Variants in SPOCK3 observed in about 807,000 individuals in gnomAD.
SPOCK3 encodes the protein testican-3.
SPOCK3 carries 30 observed loss-of-function variants against 56.6 expected under a neutral mutation model. That is an observed-to-expected ratio of 0.53 (90% confidence interval 0.40 to 0.72). The LOEUF (loss-of-function observed/expected upper bound fraction) is 0.72. Ranked by LOEUF, SPOCK3 falls within the 30% of genes least tolerant of loss-of-function variation. The pLI, the probability that SPOCK3 is intolerant of heterozygous loss-of-function variation, is 0.00. For missense variants in SPOCK3, 527 were observed against 530.0 expected (o/e 0.99, Z 0.06); for synonymous variants, 196 against 183.3 (o/e 1.07, Z -0.56).
chr4:166,971,338 C>CT (rs1273119954), intron 4 of SPOCK3, among the ~76,000 whole-genome samples: 2 of 151,966 alleles, frequency 1.3e-5, no homozygotes, highest in Non-Finnish European at 2.9e-5. Context: ...AACAGAGGTG[C>CT]TTTTTTTAAA....
chr4:167,202,492 C>G (rs1452740147), intron 2 of SPOCK3, among the ~76,000 whole-genome samples: 3 of 151,878 alleles, frequency 2.0e-5, no homozygotes, highest in Admixed American at 1.3e-4. Context: ...ACTTGCTATA[C>G]CTGGGATTGG....
intron 4 of SPOCK3, among the ~76,000 whole-genome samples, chr4:166,926,582 T>C (rs1271108698): frequency 6.6e-6 from 1 of 152,112 alleles, no homozygotes; most frequent in Non-Finnish European, 1.5e-5. Context: ...GTTTTTGGCT[T>C]CTTTGACAGA....
chr4:166,961,246 A>G (rs1424994827), intron 4 of SPOCK3, among the ~76,000 whole-genome samples: 1 of 126,856 alleles, frequency 7.9e-6, no homozygotes, highest in African/African-American at 4.0e-5. Flanking sequence ...CTTACCCACG[A>G]AATTAAAAAA....
At chr4:167,137,358 C>T (rs1472615273) in intron 2 of SPOCK3, among the ~76,000 whole-genome samples, 1 of 151,770 alleles carries the variant, frequency 6.6e-6, no homozygotes, top group Admixed American at 6.6e-5. Context: ...CTGAGTTAAT[C>T]AAATATCATA....
At chr4:167,131,273 G>A (rs1762675046) in intron 2 of SPOCK3, among the ~76,000 whole-genome samples, 1 of 151,964 alleles carries the variant, frequency 6.6e-6, no homozygotes. Context: ...AAGATAAAAT[G>A]TGCTACACTA....
chr4:167,223,370 T>C (rs1414626504), intron 2 of SPOCK3, among the ~76,000 whole-genome samples: 1 of 146,816 alleles, frequency 6.8e-6, no homozygotes, highest in African/African-American at 2.5e-5. Flanking sequence ...TATATATAAA[T>C]ATATATTTAT....
intron 3 of SPOCK3, among the ~76,000 whole-genome samples, chr4:167,026,031 G>A (rs182678604): frequency 2.0e-5 from 3 of 152,166 alleles, no homozygotes; most frequent in African/African-American, 4.8e-5. Context: ...AGGTGATTAT[G>A]TCACACTGCC....
At chr4:166,840,538 TGGGTTTTCTAGTTTGTCA>T (rs1180815742) in intron 6 of SPOCK3, among the ~76,000 whole-genome samples, 1 of 152,162 alleles carries the variant, frequency 6.6e-6, no homozygotes, top group Admixed American at 6.5e-5. Context: ...TTCTAGTTTT[TGGGTTTTCTAGTTTGTCA>T]GCTCCAAGTC....
At chr4:167,112,525 T>C (rs1422625084) in intron 2 of SPOCK3, among the ~76,000 whole-genome samples, 1 of 152,010 alleles carries the variant, frequency 6.6e-6, no homozygotes. Context: ...AACATAGGGA[T>C]TGAGGGGGCT....
At chr4:166,810,559 C>A (rs1224079652) in intron 6 of SPOCK3, among the ~76,000 whole-genome samples, 1 of 151,934 alleles carries the variant, frequency 6.6e-6, no homozygotes, top group Admixed American at 6.6e-5. Context: ...TAAATAATTT[C>A]AAGCATGTGA....
intron 2 of SPOCK3, among the ~76,000 whole-genome samples, chr4:167,213,932 G>A (rs1447164548): frequency 6.6e-6 from 1 of 152,110 alleles, no homozygotes; most frequent in Non-Finnish European, 1.5e-5. Flanking sequence ...TCACAAGACT[G>A]CTTGATTTAA....
At position 166,864,250 on chromosome 4, in the gene SPOCK3, C is replaced by T. The variant is rs190651606; in HGVS notation, c.589+24880G>A. Among the ~76,000 whole-genome samples, 17 of 152,158 alleles carry T rather than the reference C, an allele frequency of 1.1e-4. No homozygotes were observed. The East Asian group carries it at 2.5e-3, about 23-fold the overall frequency. On this transcript the variant is annotated intron_variant, in intron 6 of 10. Coordinates refer to ENST00000357545, the MANE Select transcript of SPOCK3 (RefSeq NM_001040159.2). ...GAAACCAATGAGAACAAAGAGACAA[C>T]GTACCAGAATCTCTAGGACACAGCT...
At chr4:167,054,057 C>G (rs1379388442) in intron 3 of SPOCK3, among the ~76,000 whole-genome samples, 3 of 152,066 alleles carry the variant, frequency 2.0e-5, no homozygotes, top group African/African-American at 4.8e-5. Flanking sequence ...TTAGGAAAAC[C>G]TAGAAAGCAT....
At chr4:166,738,878 A>G (rs987956478) in intron 9 of SPOCK3, among the ~76,000 whole-genome samples, 15 of 151,980 alleles carry the variant, frequency 9.9e-5, no homozygotes, top group African/African-American at 3.6e-4. Flanking sequence ...ATTGTTGGAC[A>G]TTTGGGTTGG....
chr4:167,191,840 G>A (rs989287705), intron 2 of SPOCK3, among the ~76,000 whole-genome samples: 7 of 145,246 alleles, frequency 4.8e-5, no homozygotes, highest in Non-Finnish European at 9.0e-5. Context: ...GATAAAAGTG[G>A]TGATCCTCTC....
chr4:167,101,311 C>T (rs1035649021), intron 2 of SPOCK3, among the ~76,000 whole-genome samples: 2 of 152,058 alleles, frequency 1.3e-5, no homozygotes, highest in African/African-American at 4.8e-5. Flanking sequence ...CACTAACTTT[C>T]TCCCTAATTA....
chr4:167,026,675 T>C (rs982057894), intron 3 of SPOCK3, among the ~76,000 whole-genome samples: 4 of 152,078 alleles, frequency 2.6e-5, no homozygotes, highest in Admixed American at 6.6e-5. Context: ...TACAAATTAA[T>C]TGATAAAGTG....
intron 2 of SPOCK3, among the ~76,000 whole-genome samples, chr4:167,098,737 C>A (rs966976260): frequency 1.3e-5 from 2 of 151,864 alleles, no homozygotes; most frequent in African/African-American, 4.8e-5. Context: ...AATTAACTCG[C>A]TTTATCATCT....
chr4:167,174,981 G>C (rs1730853526), intron 2 of SPOCK3, among the ~76,000 whole-genome samples: 1 of 151,964 alleles, frequency 6.6e-6, no homozygotes. Context: ...TGTTAATTAT[G>C]ATTTGGTTTC....
Sources: allele counts gnomAD v4.1 joint callset (sites outside exome capture counted in the v4.1 genomes callset), GRCh38; gene constraint gnomAD v4.1.1; transcripts MANE v1.5; gene names NCBI Gene and HGNC (gene_info 2026-07-23, HGNC 2026-07-21).